TAFA2: variants seen among roughly 807,000 people sequenced by gnomAD.
The protein encoded by TAFA2 is chemokine-like protein TAFA-2.
TAFA2 carries 7 observed loss-of-function variants against 18.8 expected under a neutral mutation model. The ratio of observed to expected loss-of-function variants is 0.37; its 90% CI spans 0.21 to 0.70. The LOEUF (loss-of-function observed/expected upper bound fraction) is 0.70. TAFA2 is among the 30% of genes least tolerant of loss of function. The pLI is 0.53. For synonymous variants in TAFA2, 60 were observed against 54.2 expected (o/e 1.11, Z -0.47); for missense variants, 122 against 158.1 (o/e 0.77, Z 1.23).
intron 1 of TAFA2, among the ~76,000 whole-genome samples, chr12:61,930,421 C>G (rs1877507843): frequency 6.6e-6 from 1 of 152,234 alleles, no homozygotes; most frequent in Non-Finnish European, 1.5e-5. Flanking sequence ...GCATTCAACA[C>G]TTCGTAGTTG....
intron 1 of TAFA2, among the ~76,000 whole-genome samples, chr12:62,189,519 A>G (rs1196730651): frequency 6.6e-6 from 1 of 152,206 alleles, no homozygotes; most frequent in East Asian, 1.9e-4. Flanking sequence ...CTGATCTTTT[A>G]TTTGAAATAT....
At chr12:62,121,116 T>C (rs989804062) in intron 1 of TAFA2, among the ~76,000 whole-genome samples, 5 of 152,080 alleles carry the variant, frequency 3.3e-5, no homozygotes, top group African/African-American at 7.2e-5. Context: ...ATGATTTCTA[T>C]GAACTACCCT....
At chr12:61,804,128 C>G (rs1871513278) in intron 2 of TAFA2, among the ~76,000 whole-genome samples, 1 of 151,688 alleles carries the variant, frequency 6.6e-6, no homozygotes, top group Non-Finnish European at 1.5e-5. Flanking sequence ...CTTGTGAGAC[C>G]TGGAGTATCA....
intron 1 of TAFA2, among the ~76,000 whole-genome samples, chr12:62,162,208 G>T (rs1232085907): frequency 6.6e-6 from 1 of 152,182 alleles, no homozygotes; most frequent in Non-Finnish European, 1.5e-5. Context: ...GGGAAGATAG[G>T]AGTCCAGCTT....
intron 1 of TAFA2, among the ~76,000 whole-genome samples, chr12:61,935,658 G>T (rs1320813468): frequency 1.3e-5 from 2 of 151,840 alleles, no homozygotes; most frequent in Non-Finnish European, 2.9e-5. Context: ...CTCATTTTTT[G>T]AAAGATCAAC....
intron 1 of TAFA2, among the ~76,000 whole-genome samples, chr12:62,211,048 C>T (rs920908917): frequency 6.6e-5 from 10 of 152,050 alleles, no homozygotes; most frequent in African/African-American, 2.2e-4. Flanking sequence ...TTCAAGTGAG[C>T]AATATCAGCA....
chr12:62,234,764 T>C, intron 1 of TAFA2: 1 of 1,079,496 alleles, frequency 9.3e-7, no homozygotes, highest in Non-Finnish European at 1.4e-6. Context: ...TCTGCTCTGC[T>C]GTCTGTGGAG....
chr12:61,891,583 G>A (rs890271203), intron 1 of TAFA2, among the ~76,000 whole-genome samples: 4 of 152,130 alleles, frequency 2.6e-5, no homozygotes, highest in South Asian at 4.1e-4. Context: ...GGGAGGCGGA[G>A]GTTGCAGTGA....
intron 1 of TAFA2, among the ~76,000 whole-genome samples, chr12:61,919,926 T>C (rs1876982329): frequency 6.6e-6 from 1 of 152,138 alleles, no homozygotes; most frequent in Non-Finnish European, 1.5e-5. Flanking sequence ...GCCTCGTCAG[T>C]ATAATATCTT....
Position 61,858,188 on chromosome 12 carries a change from C to G in TAFA2, c.106+9132G>C, listed in dbSNP as rs564836031. On this transcript the variant is annotated intron_variant, in intron 2 of 4. Coordinates refer to ENST00000416284, the MANE Select transcript of TAFA2 (RefSeq NM_178539.5). ...AAACATTGTGTTGCTCCTTGCTCTT[C>G]CACCTGTAGGGGCAGGAACAGCTTT... 2.6e-5 allele frequency among the ~76,000 whole-genome samples: 4 copies of G among 152,318 alleles called. No individual in the cohort carries two copies. The South Asian group carries it at 8.3e-4, about 32-fold the overall frequency.
chr12:61,831,322 C>T (rs997466328), intron 2 of TAFA2, among the ~76,000 whole-genome samples: 24 of 152,028 alleles, frequency 1.6e-4, no homozygotes, highest in African/African-American at 3.1e-4. Context: ...AATAGAAACA[C>T]GGAAAGTTGG....
At chr12:61,929,186 C>T (rs1345759793) in intron 1 of TAFA2, among the ~76,000 whole-genome samples, 1 of 150,866 alleles carries the variant, frequency 6.6e-6, no homozygotes, top group Admixed American at 6.6e-5. Flanking sequence ...GAGAAAGGAT[C>T]CAATGCACAA....
At position 61,987,514 on chromosome 12, in the gene TAFA2, T is replaced by C. The variant is rs17125599; in HGVS notation, c.-1-120088A>G. Reference sequence around the variant, plus strand: ...GTTTTCCCTTATTTAAACTAATGATTGCCTTTGTTAGAAACTACCATGGAA... The same window carrying C: ...GTTTTCCCTTATTTAAACTAATGATCGCCTTTGTTAGAAACTACCATGGAA... On this transcript the variant is annotated intron_variant, in intron 1 of 4. Coordinates refer to ENST00000416284, the MANE Select transcript of TAFA2 (RefSeq NM_178539.5). 8.8e-3 allele frequency among the ~76,000 whole-genome samples: 1,336 copies of C among 152,302 alleles called. 18 individuals carry two copies. The highest frequency in any genetic ancestry group is 0.031 in the African/African-American group (1,272 of 41,556).
intron 2 of TAFA2, among the ~76,000 whole-genome samples, chr12:61,799,282 AT>A (rs1171011933): frequency 6.6e-6 from 1 of 152,074 alleles, no homozygotes; most frequent in African/African-American, 2.4e-5. Flanking sequence ...TTAGCAGTGT[AT>A]TTTTTCCACT....
chr12:62,088,181 G>A (rs1868538074), intron 1 of TAFA2, among the ~76,000 whole-genome samples: 2 of 152,042 alleles, frequency 1.3e-5, no homozygotes, highest in South Asian at 2.1e-4. Flanking sequence ...TATTGTTAAT[G>A]AAGGAAAAAC....
At chr12:61,755,154 A>G in intron 2 of TAFA2, 130 bp from the exon 3 acceptor site, 1 of 742,810 alleles carries the variant, frequency 1.3e-6, no homozygotes, top group African/African-American at 1.8e-5. Context: ...GAGAAATACA[A>G]TGATGCTAAC....
chr12:61,804,699 G>A (rs1414331718), intron 2 of TAFA2, among the ~76,000 whole-genome samples: 1 of 151,960 alleles, frequency 6.6e-6, no homozygotes, highest in Non-Finnish European at 1.5e-5. Flanking sequence ...CACCTTTGAA[G>A]CACTTTCTGG....
At chr12:61,827,801 G>A (rs1036863157) in intron 2 of TAFA2, among the ~76,000 whole-genome samples, 2 of 151,920 alleles carry the variant, frequency 1.3e-5, no homozygotes, top group Non-Finnish European at 2.9e-5. Context: ...AACCTACTTT[G>A]TAACTACTGC....
At chr12:61,724,773 G>GTGTGTGTGTC (rs1870066878) in intron 4 of TAFA2, among the ~76,000 whole-genome samples, 2 of 104,756 alleles carry the variant, frequency 1.9e-5, no homozygotes, top group Non-Finnish European at 3.7e-5. Context: ...GTGTGTGTGT[G>GTGTGTGTGTC]TGTGTGTGTG....
Sources: gnomAD v4.1 joint callset for allele counts (sites outside exome capture counted in the v4.1 genomes callset) on GRCh38, gnomAD v4.1.1 for gene constraint, MANE v1.5 for transcripts, NCBI Gene and HGNC (gene_info 2026-07-23, HGNC 2026-07-21) for gene names.